RIPOR2: variants seen among roughly 807,000 people sequenced by gnomAD.
The protein encoded by RIPOR2 is rho family-interacting cell polarization regulator 2.
RIPOR2 carries 39 observed loss-of-function variants against 114.5 expected under a neutral mutation model. The ratio of observed to expected loss-of-function variants is 0.34; its 90% CI spans 0.26 to 0.44. The LOEUF is 0.44. RIPOR2 is among the 20% of genes least tolerant of loss of function. The probability of loss-of-function intolerance (pLI) is 1.00; values close to 1 mark genes in which losing one functional copy is unlikely to be tolerated. For synonymous variants in RIPOR2, 445 were observed against 484.4 expected (o/e 0.92, Z 1.07); for missense variants, 1,007 against 1,255.1 (o/e 0.80, Z 2.99).
chr6:24,971,648 C>G (rs1252013085), intron 1 of RIPOR2, among the ~76,000 whole-genome samples: 3 of 152,348 alleles, frequency 2.0e-5, no homozygotes, highest in Non-Finnish European at 2.9e-5. Context: ...GAGGAGGGTT[C>G]CCCTCATTTC....
chr6:24,838,069 C>T (rs887344555), intron 14 of RIPOR2, among the ~76,000 whole-genome samples: 2 of 152,144 alleles, frequency 1.3e-5, no homozygotes, highest in Non-Finnish European at 2.9e-5. Context: ...TAAATTTGGA[C>T]CCCAGGCTCT....
intron 4 of RIPOR2, among the ~76,000 whole-genome samples, chr6:24,872,348 T>A (rs1236780661): frequency 6.6e-6 from 1 of 152,104 alleles, no homozygotes. Flanking sequence ...GGAGTAAAAG[T>A]TCTAGATTCC....
chr6:24,924,007 C>T (rs1345711801), intron 1 of RIPOR2, among the ~76,000 whole-genome samples: 3 of 152,110 alleles, frequency 2.0e-5, no homozygotes, highest in East Asian at 1.9e-4. Flanking sequence ...GTGCTTTTAG[C>T]GCTCTCCTGT....
chr6:24,919,840 G>T (rs1033019153), intron 1 of RIPOR2, among the ~76,000 whole-genome samples: 2 of 152,194 alleles, frequency 1.3e-5, no homozygotes, highest in African/African-American at 2.4e-5. Flanking sequence ...ACACGTTTGA[G>T]CCTCTTCACC....
At position 24,865,421 on chromosome 6, in the gene RIPOR2, G is replaced by A. The variant is rs745479041; in HGVS notation, c.531C>T (p.Ile177=). 7 of 1,613,004 alleles carry A rather than the reference G, an allele frequency of 4.3e-6. No individual in the cohort carries two copies. Among genetic ancestry groups the A allele is most frequent in the Non-Finnish European group, 5.1e-6 (6 of 1,179,474 alleles). Reference sequence around the variant, plus strand: ...TGGCACCATCCTGGAGGCGTCGCTGGATACAATAAGCTTCATAGAGTTCAT... The same window carrying A: ...TGGCACCATCCTGGAGGCGTCGCTGAATACAATAAGCTTCATAGAGTTCAT... ...KVDELYEAYC[I]QRRLQDGASK... is the part of the protein sequence containing the mutation. Residue 177 remains isoleucine, a synonymous_variant, in exon 7 of 22, where the codon ATC becomes ATT. Coordinates refer to ENST00000643898, the MANE Select transcript of RIPOR2 (RefSeq NM_001286445.3).
chr6:24,998,877 ATTT>A (rs35140074), intron 1 of RIPOR2, among the ~76,000 whole-genome samples: 58 of 150,596 alleles, frequency 3.9e-4, no homozygotes, highest in East Asian at 5.8e-4. Flanking sequence ...ATATGCAGTC[ATTT>A]TTTTTTTTTT....
upstream of RIPOR2, among the ~76,000 whole-genome samples, chr6:24,938,148 T>C (rs1047184340): frequency 6.6e-5 from 10 of 152,188 alleles, no homozygotes; most frequent in African/African-American, 2.4e-4. Context: ...GATGAACTTA[T>C]ATCATATTGG....
At chr6:24,912,750 A>G (rs544818123) in intron 1 of RIPOR2, among the ~76,000 whole-genome samples, 10 of 152,180 alleles carry the variant, frequency 6.6e-5, no homozygotes, top group Non-Finnish European at 1.3e-4. Flanking sequence ...CCTGGAGAGA[A>G]GCCAACTGTA....
Position 24,806,268 on chromosome 6 carries a change from G to A in RIPOR2, c.*105C>T. On this transcript the variant is annotated 3_prime_UTR_variant, in exon 22 of 22. Coordinates refer to ENST00000643898, the MANE Select transcript of RIPOR2 (RefSeq NM_001286445.3). ...GCACCTGGCCTACATTTTTATTTCA[G>A]TTGTCGTGTCTCTCAGGCTCTAAAC... 1.3e-6 allele frequency: 1 copy of A among 797,724 alleles called. No homozygotes were observed. The highest frequency in any genetic ancestry group is 2.1e-6 in the Non-Finnish European group (1 of 483,502). The allele number at this position is 797,724 out of a possible 1,614,324, so 49.4% of individuals were successfully genotyped here.
chr6:24,921,917 C>T (rs143413913), intron 1 of RIPOR2, among the ~76,000 whole-genome samples: 2,895 of 151,976 alleles, frequency 0.019, 93 homozygotes, highest in African/African-American at 0.063. Context: ...GCAACCTCCA[C>T]CTCCTGGGTT....
chr6:24,853,138 T>A (rs1172604317), intron 8 of RIPOR2, among the ~76,000 whole-genome samples: 2 of 152,180 alleles, frequency 1.3e-5, no homozygotes, highest in African/African-American at 4.8e-5. Flanking sequence ...AATGATACAA[T>A]TTGCTGTTAT....
At position 24,870,860 on chromosome 6, in the gene RIPOR2, A is replaced by G. The variant is rs1022127336; in HGVS notation, c.447+6T>C. ...ATTAGCACCCCAACACGGAATGGCAACTTACCTTGTCTAGGTCATACAGTA... is the reference window on the plus strand; with the variant it reads ...ATTAGCACCCCAACACGGAATGGCAGCTTACCTTGTCTAGGTCATACAGTA... On this transcript the variant is annotated splice_donor_region_variant and intron_variant, in intron 5 of 21. Transcript: ENST00000643898. 2.0e-5 allele frequency: 32 copies of G among 1,603,888 alleles called. No homozygotes were observed. The East Asian group carries it at 7.0e-4, about 35-fold the overall frequency.
chr6:24,967,580 C>T (rs192728592), intron 1 of RIPOR2, among the ~76,000 whole-genome samples: 118 of 152,302 alleles, frequency 7.7e-4, no homozygotes, highest in Middle Eastern at 3.4e-3. Flanking sequence ...TCCCATATGA[C>T]TGTACCTGAG....
At chr6:24,954,696 C>T (rs1772949433) in intron 1 of RIPOR2, among the ~76,000 whole-genome samples, 1 of 152,054 alleles carries the variant, frequency 6.6e-6, no homozygotes, top group Non-Finnish European at 1.5e-5. Context: ...GATCCTTCTG[C>T]CTCAGCCTCC....
chr6:25,002,591 C>G (rs1775369246), intron 1 of RIPOR2, among the ~76,000 whole-genome samples: 1 of 152,152 alleles, frequency 6.6e-6, no homozygotes, highest in Non-Finnish European at 1.5e-5. Context: ...CTTACAAATA[C>G]TGAAGGAACC....
chr6:24,809,098 C>T (rs1484324481), intron 21 of RIPOR2, among the ~76,000 whole-genome samples: 1 of 152,086 alleles, frequency 6.6e-6, no homozygotes. Flanking sequence ...AAGGCTTTCC[C>T]CACCCTCCCA....
intron 1 of RIPOR2, among the ~76,000 whole-genome samples, chr6:24,896,871 C>G (rs1471037267): frequency 2.6e-5 from 4 of 152,182 alleles, no homozygotes; most frequent in Non-Finnish European, 4.4e-5. Flanking sequence ...CCACTGCACT[C>G]TAGCCTGGTG....
intron 1 of RIPOR2, among the ~76,000 whole-genome samples, chr6:24,893,780 A>G (rs1767588234): frequency 6.6e-6 from 1 of 152,190 alleles, no homozygotes; most frequent in African/African-American, 2.4e-5. Context: ...GTTGTCAGGG[A>G]ACCTTAGATT....
At chr6:24,992,820 A>T (rs1280321115) in intron 1 of RIPOR2, among the ~76,000 whole-genome samples, 2 of 152,256 alleles carry the variant, frequency 1.3e-5, no homozygotes, top group African/African-American at 4.8e-5. Flanking sequence ...AAAATATACT[A>T]CAAGGCTATA....
Sources: allele counts gnomAD v4.1 joint callset (sites outside exome capture counted in the v4.1 genomes callset), GRCh38; gene constraint gnomAD v4.1.1; transcripts MANE v1.5; gene names NCBI Gene and HGNC (gene_info 2026-07-23, HGNC 2026-07-21).